Variants in PDE1A observed in about 807,000 individuals in gnomAD.
PDE1A encodes phosphodiesterase 1A.
In PDE1A, 35 loss-of-function variants were observed where a neutral mutation model predicts 61.7. The ratio of observed to expected loss-of-function variants is 0.57; its 90% CI spans 0.43 to 0.75. The LOEUF is 0.75. Among genes scored for constraint, PDE1A ranks in the 30% least tolerant of loss-of-function variants. PDE1A has a pLI of 0.00. For missense variants in PDE1A, 597 were observed against 630.6 expected, an observed-to-expected ratio of 0.95 and a Z score of 0.57; for synonymous variants, 232 against 213.2, an observed-to-expected ratio of 1.09 and a Z score of -0.77.
the PDE1A span, among the ~76,000 whole-genome samples, chr2:182,587,277 TC>T: frequency 6.6e-6 from 1 of 152,094 alleles, no homozygotes; most frequent in East Asian, 1.9e-4. Context: ...CTAGTTGGGG[TC>T]CCCTGCCCTG....
intron 1 of PDE1A, among the ~76,000 whole-genome samples, chr2:182,328,442 G>A (rs113550193): frequency 4.1e-4 from 63 of 152,262 alleles, no homozygotes; most frequent in African/African-American, 1.5e-3. Context: ...TGCAATGATG[G>A]ATTATTGAGT....
chr2:182,621,072 C>G, the PDE1A span, among the ~76,000 whole-genome samples: 3 of 152,294 alleles, frequency 2.0e-5, no homozygotes, highest in African/African-American at 4.8e-5. Context: ...CTGGAAGGTT[C>G]TCTGTGCCCC....
intron 1 of PDE1A, among the ~76,000 whole-genome samples, chr2:182,268,490 G>C (rs577561590): frequency 7.9e-5 from 12 of 151,990 alleles, no homozygotes; most frequent in Non-Finnish European, 1.3e-4. Context: ...ATGGGTACCT[G>C]TGTGTGTGCA....
intron 2 of PDE1A, among the ~76,000 whole-genome samples, chr2:182,254,457 A>T (rs1392028817): frequency 6.6e-6 from 1 of 152,212 alleles, no homozygotes; most frequent in African/African-American, 2.4e-5. Flanking sequence ...ACTTTTCCAA[A>T]TGGAAATAAT....
the PDE1A span, among the ~76,000 whole-genome samples, chr2:182,562,953 T>C: frequency 6.6e-6 from 1 of 152,216 alleles, no homozygotes; most frequent in African/African-American, 2.4e-5. Flanking sequence ...TCTTTTCTTC[T>C]TTATTAGTCT....
chr2:182,381,799 G>T (rs569572077), intron 1 of PDE1A, among the ~76,000 whole-genome samples: 1 of 151,634 alleles, frequency 6.6e-6, no homozygotes, highest in Non-Finnish European at 1.5e-5. Context: ...GTGACAGAGC[G>T]AGACTCTGTC....
At chr2:182,393,399 A>G (rs1427684487) in intron 1 of PDE1A, among the ~76,000 whole-genome samples, 1 of 150,174 alleles carries the variant, frequency 6.7e-6, no homozygotes, top group Non-Finnish European at 1.5e-5. Flanking sequence ...TTTTTTTCCT[A>G]CTAGGCCTCT....
At chr2:182,554,556 G>C in the PDE1A span, among the ~76,000 whole-genome samples, 1 of 152,092 alleles carries the variant, frequency 6.6e-6, no homozygotes, top group African/African-American at 2.4e-5. Context: ...ACCTAGATTT[G>C]AGTTCCTATT....
At chr2:182,241,803 C>T (rs1574121467) in intron 2 of PDE1A, 2 of 1,510,188 alleles carry the variant, frequency 1.3e-6, no homozygotes, top group Non-Finnish European at 1.8e-6. Flanking sequence ...AATACTTACT[C>T]TATATGATTT....
chr2:182,156,808 C>T (rs1474926563), intron 13 of PDE1A, among the ~76,000 whole-genome samples: 1 of 151,778 alleles, frequency 6.6e-6, no homozygotes, highest in East Asian at 1.9e-4. Context: ...TAAAGGGCTG[C>T]TAATACTATA....
the PDE1A span, among the ~76,000 whole-genome samples, chr2:182,649,450 G>A: frequency 0.15 from 23,525 of 151,796 alleles, 2,413 homozygotes; most frequent in African/African-American, 0.29. Context: ...GGTAAACCTT[G>A]TTCAATCATG....
the PDE1A span, among the ~76,000 whole-genome samples, chr2:182,528,955 T>G: frequency 3.9e-5 from 6 of 152,204 alleles, no homozygotes; most frequent in African/African-American, 1.4e-4. Context: ...AACAGAAGTT[T>G]GCTGCTGGGG....
At position 182,296,589 on chromosome 2, in the gene PDE1A, T is replaced by C. The variant is rs73036273; in HGVS notation, c.54-32175A>G. 5.1e-3 allele frequency among the ~76,000 whole-genome samples: 779 copies of C among 152,270 alleles called. 6 individuals carry two copies. Among genetic ancestry groups the C allele is most frequent in the African/African-American group, 0.017 (714 of 41,554 alleles). ...ATTGCCTAAGAAAAATAAGGCTAACTAATAAAGAGGCCACCGATCTTCAAG... is the reference window on the plus strand; with the variant it reads ...ATTGCCTAAGAAAAATAAGGCTAACCAATAAAGAGGCCACCGATCTTCAAG... On this transcript the variant is annotated intron_variant, in intron 1 of 13. Coordinates refer to ENST00000351439, the Ensembl canonical transcript of PDE1A.
intron 2 of PDE1A, among the ~76,000 whole-genome samples, chr2:182,252,950 T>A (rs1691509447): frequency 6.6e-6 from 1 of 152,212 alleles, no homozygotes; most frequent in Admixed American, 6.5e-5. Flanking sequence ...TACAAACATC[T>A]TTGTATGTAG....
At chr2:182,499,972 A>T (rs1688991726) in intron 2 of PDE1A, among the ~76,000 whole-genome samples, 2 of 152,140 alleles carry the variant, frequency 1.3e-5, no homozygotes, top group African/African-American at 4.8e-5. Flanking sequence ...GAGCTGGGGG[A>T]CAAAGATTTG....
intron 2 of PDE1A, among the ~76,000 whole-genome samples, chr2:182,508,217 C>T (rs545216142): frequency 5.8e-4 from 87 of 150,618 alleles, no homozygotes; most frequent in African/African-American, 1.9e-3. Flanking sequence ...CAATAAATTA[C>T]TAACATAAGG....
chr2:182,336,474 T>C lies in PDE1A; in HGVS notation c.54-72060A>G, dbSNP rs537266058. Among the ~76,000 whole-genome samples the C allele has an allele frequency of 1.3e-3, 202 of 152,238 alleles. 1 individual carries two copies. The highest frequency in any genetic ancestry group is 4.7e-3 in the African/African-American group (194 of 41,538). ...TGAGTTCATGTCCTTTGCAGGGACA[T>C]GGATGAAGCTGAACACCATCATTCT... is the stretch of plus-strand genomic sequence containing the variant. On this transcript the variant is annotated intron_variant, in intron 1 of 13. Transcript: ENST00000351439.
chr2:182,515,954 C>CTGTGTGTGTGTGTG (rs201729102), intron 2 of PDE1A, among the ~76,000 whole-genome samples: 29 of 130,522 alleles, frequency 2.2e-4, no homozygotes, highest in South Asian at 5.2e-4. Context: ...GTGTGTGTTT[C>CTGTGTGTGTGTGTG]TGTGTGTGTG....
At chr2:182,375,697 C>T (rs1574486114) in intron 1 of PDE1A, among the ~76,000 whole-genome samples, 1 of 152,236 alleles carries the variant, frequency 6.6e-6, no homozygotes, top group African/African-American at 2.4e-5. Context: ...AGTAGGGATT[C>T]TGTGTGGGGG....
Sources: allele counts gnomAD v4.1 joint callset (sites outside exome capture counted in the v4.1 genomes callset), GRCh38; gene constraint gnomAD v4.1.1; transcripts MANE v1.5; gene names NCBI Gene and HGNC (gene_info 2026-07-23, HGNC 2026-07-21).